The following RPH3AL variants were observed in gnomAD, a reference collection of about 807,000 sequenced individuals.
RPH3AL encodes rab effector Noc2.
A neutral mutation model predicts 43.1 loss-of-function variants in RPH3AL; 38 were observed. That is an observed-to-expected ratio of 0.88 (90% CI 0.68 to 1.15). The LOEUF is 1.15. Ranked by LOEUF, RPH3AL falls within the 50% of genes most tolerant of loss-of-function variation. The probability of loss-of-function intolerance (pLI) is 0.00; values close to 1 mark genes in which losing one functional copy is unlikely to be tolerated. For missense variants in RPH3AL, 462 were observed against 423.2 expected, an observed-to-expected ratio of 1.09 and a Z score of -0.81; for synonymous variants, 189 against 176.3, an observed-to-expected ratio of 1.07 and a Z score of -0.57.
chr17:345,931 G>C (rs2045231016), intron 1 of RPH3AL, among the ~76,000 whole-genome samples: 1 of 135,462 alleles, frequency 7.4e-6, no homozygotes, highest in African/African-American at 2.5e-5. Flanking sequence ...TGGGCTCTGA[G>C]TCTCGAAGAC....
At chr17:234,618 T>C (rs918721467) in intron 7 of RPH3AL, 2 of 154,794 alleles carry the variant, frequency 1.3e-5, no homozygotes, top group Admixed American at 6.5e-5. Flanking sequence ...ACCCACCTCC[T>C]GACAGGGAGG....
chr17:239,037 A>C (rs12449638), intron 7 of RPH3AL, among the ~76,000 whole-genome samples: 1 of 152,114 alleles, frequency 6.6e-6, no homozygotes, highest in Non-Finnish European at 1.5e-5. Flanking sequence ...CCCTGTGACC[A>C]GGTACCAAGA....
At chr17:320,601 T>C (rs937915994) in intron 4 of RPH3AL, among the ~76,000 whole-genome samples, 1 of 151,240 alleles carries the variant, frequency 6.6e-6, no homozygotes, top group Admixed American at 6.6e-5. Context: ...ATAGCACCAC[T>C]GCATTCTAAT....
intron 6 of RPH3AL, among the ~76,000 whole-genome samples, chr17:269,457 C>G (rs1235396234): frequency 2.6e-5 from 4 of 152,202 alleles, no homozygotes; most frequent in African/African-American, 9.6e-5. Flanking sequence ...TTCCAAGGGC[C>G]TCGAACAGTG....
chr17:320,687 G>A (rs902778988), intron 4 of RPH3AL, among the ~76,000 whole-genome samples: 4 of 152,190 alleles, frequency 2.6e-5, no homozygotes, highest in Non-Finnish European at 5.9e-5. Flanking sequence ...TACATAGGAG[G>A]CCAGAATGAA....
At chr17:239,606 C>T (rs776484089) in intron 7 of RPH3AL, among the ~76,000 whole-genome samples, 4 of 152,104 alleles carry the variant, frequency 2.6e-5, no homozygotes, top group Admixed American at 6.6e-5. Flanking sequence ...CTTTCCACTA[C>T]CCTCCCGATT....
At chr17:291,748 A>C (rs2043053047) in intron 5 of RPH3AL, among the ~76,000 whole-genome samples, 1 of 152,208 alleles carries the variant, frequency 6.6e-6, no homozygotes, top group Admixed American at 6.5e-5. Flanking sequence ...ACGAAATGAC[A>C]ACGAAGCTGT....
In RPH3AL at chr17:323,710, G is replaced by T. The variant is rs563041040; in HGVS notation, c.78-2295C>A. 6.6e-6 allele frequency among the ~76,000 whole-genome samples: 1 copy of T among 152,328 alleles called. No homozygotes were observed. The highest frequency in any genetic ancestry group is 6.5e-5 in the Admixed American group (1 of 15,304). On this transcript the variant is annotated intron_variant, in intron 3 of 9. Coordinates refer to ENST00000331302, the MANE Select transcript of RPH3AL (RefSeq NM_006987.4). This position sits in a 1 kb window ranked among gnomAD's most constrained non-coding sequence, Gnocchi z 4.4. Reference sequence around the variant, plus strand: ...ACCGCCACCACTGCCTGTCCTGATGGACACGGGTCCCACGAGCTTGTTCTG... The same window carrying T: ...ACCGCCACCACTGCCTGTCCTGATGTACACGGGTCCCACGAGCTTGTTCTG...
intron 5 of RPH3AL, among the ~76,000 whole-genome samples, chr17:314,716 A>C (rs2043842109): frequency 7.9e-6 from 1 of 126,898 alleles, no homozygotes; most frequent in Admixed American, 8.0e-5. Flanking sequence ...TCTGTGCTCC[A>C]CCTCCACTGA....
rs186873599 is a variant in RPH3AL at position 351,800 on chromosome 17, G to A, written c.-213+912C>T. On this transcript the variant is annotated intron_variant, in intron 1 of 9. Coordinates refer to ENST00000331302, the MANE Select transcript of RPH3AL (RefSeq NM_006987.4). ...TGCCATATGCCACAAATAGAAGGCA[G>A]ATGAAAAAAAACAAGTTATGCTCTA... Among the ~76,000 whole-genome samples, 5 of 152,096 alleles carry A rather than the reference G, an allele frequency of 3.3e-5. No homozygotes were observed. The East Asian group carries it at 9.6e-4, about 29-fold the overall frequency.
In RPH3AL at chr17:290,985, C is replaced by T. The variant is rs1024438642; in HGVS notation, c.352-9131G>A. ...AAGGAGGCCTGGACCATCCATGGCA[C>T]AGAGAGGGCTGTTCATGAGCCTCAC... On this transcript the variant is annotated intron_variant, in intron 5 of 9. Transcript: ENST00000331302. This position sits in a 1 kb window ranked among gnomAD's most constrained non-coding sequence, Gnocchi z 4.2. Among the ~76,000 whole-genome samples the T allele has an allele frequency of 2.0e-5, 3 of 152,082 alleles. No homozygotes were observed. Among genetic ancestry groups the T allele is most frequent in the Admixed American group, 2.0e-4 (3 of 15,276 alleles).
chr17:318,779 A>G (rs1414795118), intron 5 of RPH3AL, among the ~76,000 whole-genome samples: 16 of 152,248 alleles, frequency 1.1e-4, no homozygotes, highest in Admixed American at 1.0e-3. Context: ...ACAATTTAGT[A>G]TAAGAAGAAA....
chr17:315,354 A>C (rs2043954456), intron 5 of RPH3AL, among the ~76,000 whole-genome samples: 2 of 141,442 alleles, frequency 1.4e-5, no homozygotes, highest in African/African-American at 5.6e-5. Flanking sequence ...CTGTGACTCC[A>C]CTTCCACTGA....
intron 6 of RPH3AL, among the ~76,000 whole-genome samples, chr17:276,651 C>A (rs773476294): frequency 4.6e-5 from 7 of 152,200 alleles, no homozygotes; most frequent in Non-Finnish European, 5.9e-5. Context: ...CCTCAGCTTC[C>A]CAAAATGTCG....
At chr17:311,056 G>A (rs775993584) in intron 5 of RPH3AL, among the ~76,000 whole-genome samples, 43 of 151,606 alleles carry the variant, frequency 2.8e-4, no homozygotes, top group Non-Finnish European at 4.4e-4. Context: ...AATGCAGCTC[G>A]TCCCCTGAAA....
intron 6 of RPH3AL, among the ~76,000 whole-genome samples, chr17:277,458 T>C (rs1395557589): frequency 6.6e-6 from 1 of 152,156 alleles, no homozygotes; most frequent in Non-Finnish European, 1.5e-5. Context: ...AAATGAAAAC[T>C]TCCAAAGGTA....
chr17:250,727 T>C (rs1439439987), intron 6 of RPH3AL, among the ~76,000 whole-genome samples: 52 of 89,828 alleles, frequency 5.8e-4, no homozygotes, highest in Admixed American at 1.0e-3. Flanking sequence ...TTACTAAGCT[T>C]CATCCCTGTG....
intron 6 of RPH3AL, among the ~76,000 whole-genome samples, chr17:272,995 TGAGACCCCAGCGAGGGC>T (rs1567604528): frequency 9.1e-5 from 3 of 32,816 alleles, no homozygotes; most frequent in African/African-American, 2.9e-4. Flanking sequence ...TACGTCAGGG[TGAGACCCCAGCGAGGGC>T]GACATCAGGA....
At position 281,808 on chromosome 17, in the gene RPH3AL, C is replaced by G. The variant is rs749870838; in HGVS notation, c.398G>C (p.Arg133Pro). The change falls in exon 6 of 10, where the codon CGG becomes CCG. Residue 133 changes from arginine (R) to proline (P), a missense_variant. Physicochemically the swap from Arg to Pro is moderately radical, Grantham distance 103. Transcript: ENST00000331302. ...GCAGATCTTACACAGCCACAGGGGC[C>G]GCTTCTGGCCAGGGGAGGCCTCGAT... ...CGIEASPGQK[R>P]PLWLCKICSE... is the part of the protein sequence containing the mutation. 2 of 1,614,152 alleles carry G rather than the reference C, an allele frequency of 1.2e-6. No individual in the cohort carries two copies. Among genetic ancestry groups the G allele is most frequent in the Admixed American group, 3.3e-5 (2 of 60,022 alleles).
Sources: allele counts gnomAD v4.1 joint callset (sites outside exome capture counted in the v4.1 genomes callset), GRCh38; gene constraint gnomAD v4.1.1; non-coding constraint Gnocchi (gnomAD v3.1); transcripts MANE v1.5; gene names NCBI Gene and HGNC (gene_info 2026-07-23, HGNC 2026-07-21).